Variants in ABL1 observed in about 807,000 individuals in gnomAD.
ABL1 encodes the protein tyrosine-protein kinase ABL1.
In ABL1, 11 loss-of-function variants were observed where a neutral mutation model predicts 94.7. The ratio of observed to expected loss-of-function variants is 0.12; its 90% CI spans 0.07 to 0.19. The LOEUF is 0.19. Ranked by LOEUF, ABL1 falls within the 10% of genes least tolerant of loss-of-function variation. ABL1 has a pLI of 1.00. For synonymous variants in ABL1, 656 were observed against 622.4 expected (o/e 1.05, Z -0.80); for missense variants, 1,082 against 1,489.4 (o/e 0.73, Z 4.50).
At chr9:130,754,021 A>T (rs1489276031) in intron 1 of ABL1, among the ~76,000 whole-genome samples, 1 of 149,958 alleles carries the variant, frequency 6.7e-6, no homozygotes, top group African/African-American at 2.5e-5. Context: ...TCTGGCCAAC[A>T]TGGTGAAACC....
chr9:130,780,474 T>C (rs1829742220), intron 1 of ABL1, among the ~76,000 whole-genome samples: 1 of 152,196 alleles, frequency 6.6e-6, no homozygotes. Context: ...CTTGGAGCTG[T>C]CTGGATCTGA....
At chr9:130,783,864 C>T (rs1301543994) in intron 1 of ABL1, among the ~76,000 whole-genome samples, 3 of 152,084 alleles carry the variant, frequency 2.0e-5, no homozygotes, top group African/African-American at 7.2e-5. Context: ...CCATGTTGGC[C>T]AGGCTGGTCT....
chr9:130,717,932 G>A (rs1403533730), intron 1 of ABL1, among the ~76,000 whole-genome samples: 2 of 151,720 alleles, frequency 1.3e-5, no homozygotes, highest in Admixed American at 6.6e-5. Flanking sequence ...AGAATTGCTT[G>A]AACCCCGGAG....
intron 1 of ABL1, among the ~76,000 whole-genome samples, chr9:130,750,644 CTT>C (rs71389345): frequency 1.1e-5 from 1 of 87,290 alleles, no homozygotes; most frequent in African/African-American, 4.9e-5. Context: ...CTTTTTCTTT[CTT>C]TTTTTTTTTT....
At chr9:130,865,656 G>GGATT (rs938016197) in intron 4 of ABL1, among the ~76,000 whole-genome samples, 5 of 150,938 alleles carry the variant, frequency 3.3e-5, no homozygotes, top group African/African-American at 7.4e-5. Context: ...TGACATGGGA[G>GGATT]GATTACCTGA....
intron 1 of ABL1, among the ~76,000 whole-genome samples, chr9:130,731,088 C>A (rs1391482917): frequency 7.4e-6 from 1 of 135,592 alleles, no homozygotes; most frequent in Non-Finnish European, 1.6e-5. Context: ...CTCACTGCAA[C>A]CTCCGCCTCC....
chr9:130,752,665 ATACCCC>A (rs1194452539), intron 1 of ABL1, among the ~76,000 whole-genome samples: 3 of 152,206 alleles, frequency 2.0e-5, no homozygotes, highest in Non-Finnish European at 4.4e-5. Flanking sequence ...TCTGTTAAGA[ATACCCC>A]TTGGTGGCTG....
In ABL1 at chr9:130,885,742, G is replaced by A. The variant is rs537770242; in HGVS notation, c.*59G>A. On this transcript the variant is annotated 3_prime_UTR_variant, in exon 11 of 11. Transcript: ENST00000318560. ...AGCTGCCTGCAGCACATGCGGGCTC[G>A]CCCATACCCGTGACAGTGGCTGACA... The A allele has an allele frequency of 1.6e-5, 24 of 1,544,504 alleles. No individual in the cohort carries two copies. The highest frequency in any genetic ancestry group is 2.3e-5 in the East Asian group (1 of 43,688).
intron 1 of ABL1, among the ~76,000 whole-genome samples, chr9:130,717,981 C>T (rs1831465600): frequency 6.7e-6 from 1 of 149,538 alleles, no homozygotes; most frequent in Non-Finnish European, 1.5e-5. Flanking sequence ...CATTGCACTC[C>T]AGCCTGGGCA....
Position 130,768,402 on chromosome 9 carries a change from A to C in ABL1, c.136+53947A>C, listed in dbSNP as rs1832210277. Among the ~76,000 whole-genome samples the C allele has an allele frequency of 3.9e-5, 6 of 152,222 alleles. No individual in the cohort carries two copies. In the South Asian group the frequency reaches 1.2e-3, roughly 31 times the overall value. ...AGCAAAGTCCCCCCAGGACAGAGCC[A>C]GTGACGACTAGCTGTGTATCCTCAG... On this transcript the variant is annotated intron_variant, in intron 1 of 10. Transcript: ENST00000372348.
At chr9:130,853,794 A>G (rs932914690) in intron 1 of ABL1, among the ~76,000 whole-genome samples, 5 of 152,270 alleles carry the variant, frequency 3.3e-5, no homozygotes, top group African/African-American at 9.6e-5. Context: ...GACTAAAGTC[A>G]TATTGAATCC....
chr9:130,836,782 G>A (rs1448217382), intron 1 of ABL1, among the ~76,000 whole-genome samples: 7 of 138,780 alleles, frequency 5.0e-5, no homozygotes, highest in Non-Finnish European at 1.1e-4. Context: ...CCAAGATCGC[G>A]CCACTGCACT....
At chr9:130,804,172 C>T (rs1412329697) in intron 1 of ABL1, among the ~76,000 whole-genome samples, 2 of 151,802 alleles carry the variant, frequency 1.3e-5, no homozygotes, top group African/African-American at 4.8e-5. Context: ...CTGGCTAACA[C>T]GGTGAAACCC....
chr9:130,813,555 C>A (rs2132860328), intron 1 of ABL1, among the ~76,000 whole-genome samples: 4 of 108,334 alleles, frequency 3.7e-5, no homozygotes, highest in African/African-American at 3.5e-5. Context: ...AGCGAGACTC[C>A]ATCTCCAAAA....
At chr9:130,881,872 A>G (rs541414775) in intron 10 of ABL1, among the ~76,000 whole-genome samples, 1 of 141,612 alleles carries the variant, frequency 7.1e-6, no homozygotes, top group East Asian at 1.9e-4. Flanking sequence ...ACGTACTCTC[A>G]TTAGTAAAAA....
At chr9:130,813,290 G>A (rs201910192) in intron 1 of ABL1, among the ~76,000 whole-genome samples, 1 of 150,358 alleles carries the variant, frequency 6.7e-6, no homozygotes, top group African/African-American at 2.4e-5. Context: ...GGCCAGGTGC[G>A]GTGGCTCACG....
chr9:130,836,306 GTTTTA>G (rs1026926531), intron 1 of ABL1, among the ~76,000 whole-genome samples: 18 of 152,118 alleles, frequency 1.2e-4, no homozygotes, highest in African/African-American at 4.3e-4. Context: ...AATTACATCT[GTTTTA>G]TTTTATTTTT....
At chr9:130,836,824 CAAAAAAAAAAA>C (rs565723193) in intron 1 of ABL1, among the ~76,000 whole-genome samples, 9 of 77,210 alleles carry the variant, frequency 1.2e-4, no homozygotes, top group East Asian at 9.3e-4. Context: ...GACTCGGTCT[CAAAAAAAAAAA>C]AAAAAAAAAA....
At chr9:130,765,032 C>T (rs896187459) in intron 1 of ABL1, among the ~76,000 whole-genome samples, 2 of 151,900 alleles carry the variant, frequency 1.3e-5, no homozygotes, top group Non-Finnish European at 2.9e-5. Context: ...AGTTCCTCCA[C>T]CCTTTTCTTT....
Sources: allele counts gnomAD v4.1 joint callset (sites outside exome capture counted in the v4.1 genomes callset), GRCh38; gene constraint gnomAD v4.1.1; transcripts MANE v1.5; gene names NCBI Gene and HGNC (gene_info 2026-07-23, HGNC 2026-07-21).